The following PTPRD variants were observed in gnomAD, a reference collection of about 807,000 sequenced individuals.
PTPRD encodes the protein protein tyrosine phosphatase receptor type D.
Under a neutral mutation model 214.5 loss-of-function variants are expected in PTPRD, and 34 were observed. The observed-to-expected ratio is 0.16, with a 90% CI of 0.12 to 0.21. The LOEUF (loss-of-function observed/expected upper bound fraction) is 0.21, where lower values mean the gene tolerates loss of function less well. Among genes scored for constraint, PTPRD ranks in the 10% least tolerant of loss-of-function variants. The pLI is 1.00. For missense variants in PTPRD, 2,545 were observed against 2,398.7 expected, an observed-to-expected ratio of 1.06 and a Z score of -1.27; for synonymous variants, 1,128 against 845.7, an observed-to-expected ratio of 1.33 and a Z score of -5.79.
intron 9 of PTPRD, among the ~76,000 whole-genome samples, chr9:9,368,799 G>A (rs2058604644): frequency 6.6e-6 from 1 of 151,830 alleles, no homozygotes; most frequent in Admixed American, 6.6e-5. Flanking sequence ...TAGAGTACAT[G>A]TGCACAACGT....
intron 2 of PTPRD, among the ~76,000 whole-genome samples, chr9:10,506,733 T>C (rs1056055726): frequency 6.6e-6 from 1 of 152,184 alleles, no homozygotes; most frequent in Non-Finnish European, 1.5e-5. Flanking sequence ...CTTCAGTTTA[T>C]CTTTCATGGC....
At chr9:9,733,998 G>C (rs995079298) in intron 7 of PTPRD, among the ~76,000 whole-genome samples, 1 of 152,116 alleles carries the variant, frequency 6.6e-6, no homozygotes, top group African/African-American at 2.4e-5. Flanking sequence ...TCCCTGTAAT[G>C]CATGTCCCAG....
chr9:10,545,730 T>A (rs2060035545), intron 2 of PTPRD, among the ~76,000 whole-genome samples: 1 of 152,142 alleles, frequency 6.6e-6, no homozygotes, highest in Non-Finnish European at 1.5e-5. Flanking sequence ...TTTCAGAAGT[T>A]TTCTCTGGAA....
At chr9:10,007,132 A>G (rs954637150) in intron 4 of PTPRD, among the ~76,000 whole-genome samples, 3 of 152,002 alleles carry the variant, frequency 2.0e-5, no homozygotes, top group Non-Finnish European at 4.4e-5. Flanking sequence ...TAACTTATTT[A>G]AGGACATAAG....
intron 45 of PTPRD, among the ~76,000 whole-genome samples, chr9:8,319,451 G>C (rs539403574): frequency 6.6e-6 from 1 of 151,976 alleles, no homozygotes; most frequent in African/African-American, 2.4e-5. Flanking sequence ...TACAGAGGGA[G>C]AATGGAGAAG....
chr9:9,352,345 GTGTGTGTGTATATA>G (rs2051659416), intron 9 of PTPRD, among the ~76,000 whole-genome samples: 1 of 144,914 alleles, frequency 6.9e-6, no homozygotes, highest in South Asian at 2.2e-4. Flanking sequence ...GTGTGTGTGT[GTGTGTGTGTATATA>G]TGTGTGTGTG....
At chr9:9,870,956 A>C (rs1476434407) in intron 5 of PTPRD, among the ~76,000 whole-genome samples, 1 of 152,152 alleles carries the variant, frequency 6.6e-6, no homozygotes, top group Non-Finnish European at 1.5e-5. Flanking sequence ...GAGAGAAATA[A>C]AATTAAGACA....
intron 8 of PTPRD, among the ~76,000 whole-genome samples, chr9:9,474,114 C>T (rs1349748331): frequency 1.3e-5 from 2 of 151,986 alleles, no homozygotes; most frequent in Non-Finnish European, 2.9e-5. Context: ...AGTCTTTATG[C>T]ATTTTCAGTT....
chr9:9,865,544 T>A (rs1233147282), intron 5 of PTPRD, among the ~76,000 whole-genome samples: 1 of 152,154 alleles, frequency 6.6e-6, no homozygotes, highest in African/African-American at 2.4e-5. Flanking sequence ...CCTCTCAACC[T>A]TAAATTTCCC....
intron 10 of PTPRD, among the ~76,000 whole-genome samples, chr9:9,153,794 A>G (rs1011654059): frequency 5.9e-5 from 9 of 152,144 alleles, no homozygotes; most frequent in Non-Finnish European, 1.2e-4. Flanking sequence ...CCAAAATCCA[A>G]TAAAATTTGG....
chr9:8,748,334 C>T (rs2093083532), intron 11 of PTPRD, among the ~76,000 whole-genome samples: 2 of 151,708 alleles, frequency 1.3e-5, no homozygotes, highest in Admixed American at 6.6e-5. Context: ...CACTAAAATG[C>T]TAATTAGGCA....
chr9:9,319,536 A>G (rs1262428735), intron 9 of PTPRD, among the ~76,000 whole-genome samples: 1 of 152,186 alleles, frequency 6.6e-6, no homozygotes, highest in Non-Finnish European at 1.5e-5. Context: ...ATGTTATACA[A>G]TCGGCTTTGT....
At chr9:10,532,961 G>T (rs574828728) in intron 2 of PTPRD, among the ~76,000 whole-genome samples, 11 of 152,160 alleles carry the variant, frequency 7.2e-5, no homozygotes, top group African/African-American at 2.6e-4. Context: ...GTGTTGGGAT[G>T]TAGGGTCTAG....
chr9:8,991,102 C>A (rs563000545), intron 11 of PTPRD, among the ~76,000 whole-genome samples: 1 of 151,650 alleles, frequency 6.6e-6, no homozygotes, highest in Admixed American at 6.6e-5. Flanking sequence ...GCCTGTAGTC[C>A]CAGCTACTCG....
At chr9:10,084,666 A>ATT (rs60028378) in intron 3 of PTPRD, among the ~76,000 whole-genome samples, 1 of 150,986 alleles carries the variant, frequency 6.6e-6, no homozygotes, top group African/African-American at 2.4e-5. Flanking sequence ...TTTAAATAAT[A>ATT]TTTTTTTTTA....
chr9:10,447,419 CATAACT>C (rs1566095401), intron 2 of PTPRD, among the ~76,000 whole-genome samples: 2 of 151,906 alleles, frequency 1.3e-5, no homozygotes, highest in Non-Finnish European at 2.9e-5. Context: ...CAGCTTTTCA[CATAACT>C]ATCTCTGAAC....
intron 11 of PTPRD, among the ~76,000 whole-genome samples, chr9:8,888,390 A>T (rs191277894): frequency 6.6e-6 from 1 of 152,204 alleles, no homozygotes; most frequent in Non-Finnish European, 1.5e-5. Context: ...CCTTCACCCA[A>T]TGGTTTTCTT....
chr9:8,376,783 T>A, intron 37 of PTPRD, 57 bp from the exon 38 acceptor site: 1 of 1,598,630 alleles, frequency 6.3e-7, no homozygotes, highest in Non-Finnish European at 8.5e-7. Flanking sequence ...TCTATTAACT[T>A]TGCTTTGAGT....
At chr9:10,505,079 C>T (rs1179730662) in intron 2 of PTPRD, among the ~76,000 whole-genome samples, 1 of 151,974 alleles carries the variant, frequency 6.6e-6, no homozygotes, top group Non-Finnish European at 1.5e-5. Flanking sequence ...TGCAGTCTTG[C>T]AAAAGAAAAA....
Sources: gnomAD v4.1 joint callset for allele counts (sites outside exome capture counted in the v4.1 genomes callset) on GRCh38, gnomAD v4.1.1 for gene constraint, MANE v1.5 for transcripts, NCBI Gene and HGNC (gene_info 2026-07-23, HGNC 2026-07-21) for gene names.